The following RAB3C variants were observed in gnomAD, a reference collection of about 807,000 sequenced individuals.
RAB3C encodes the protein RAB3C, member RAS oncogene family, also known as ras-related protein Rab-3C.
A neutral mutation model predicts 26.4 loss-of-function variants in RAB3C; 17 were observed. The ratio of observed to expected loss-of-function variants is 0.64; its 90% CI spans 0.44 to 0.97. The LOEUF is 0.97. Among genes scored for constraint, RAB3C ranks in the 50% least tolerant of loss-of-function variants. The pLI, the probability that RAB3C is intolerant of heterozygous loss-of-function variation, is 0.00. For synonymous variants in RAB3C, 91 were observed against 95.9 expected (o/e 0.95, Z 0.30); for missense variants, 242 against 281.9 (o/e 0.86, Z 1.01).
chr5:58,652,885 A>G (rs974065196), intron 2 of RAB3C, among the ~76,000 whole-genome samples: 6 of 152,206 alleles, frequency 3.9e-5, no homozygotes, highest in Non-Finnish European at 8.8e-5. Context: ...GATAAACTTT[A>G]GAAAAATTCG....
At chr5:58,582,475 C>T, upstream of RAB3C, 2 of 950,804 alleles carry the variant, frequency 2.1e-6, no homozygotes, top group Non-Finnish European at 2.5e-6. Flanking sequence ...TCACGCACTT[C>T]GGTGTGCGGG....
chr5:58,618,067 A>C (rs550083389), intron 2 of RAB3C, among the ~76,000 whole-genome samples, 197 bp downstream of exon 2: 2,292 of 146,850 alleles, frequency 0.016, 50 homozygotes, highest in African/African-American at 0.054. Flanking sequence ...AATTATTATT[A>C]TGCCTTGTTG....
chr5:58,651,490 A>G (rs1051335149), intron 2 of RAB3C, among the ~76,000 whole-genome samples: 8 of 152,162 alleles, frequency 5.3e-5, no homozygotes, highest in Non-Finnish European at 1.2e-4. Flanking sequence ...TATACTATTA[A>G]AATCTATTTT....
At chr5:58,612,653 T>G (rs1187060100) in intron 1 of RAB3C, among the ~76,000 whole-genome samples, 5 of 151,328 alleles carry the variant, frequency 3.3e-5, no homozygotes, top group African/African-American at 1.2e-4. Context: ...ATACTAGTGA[T>G]TTTTGCGCAT....
At chr5:58,747,709 GTCTC>G (rs553806594) in intron 3 of RAB3C, among the ~76,000 whole-genome samples, 1 of 151,016 alleles carries the variant, frequency 6.6e-6, no homozygotes, top group African/African-American at 2.4e-5. Flanking sequence ...TATTCTTTCT[GTCTC>G]TCTCTCTGGA....
intron 3 of RAB3C, among the ~76,000 whole-genome samples, chr5:58,806,609 G>A (rs559663129): frequency 7.1e-4 from 108 of 152,242 alleles, no homozygotes; most frequent in African/African-American, 2.6e-3. Context: ...AAAGGCAGAT[G>A]TCCTGTGCAT....
At chr5:58,828,901 C>CTTTTTTTT in intron 4 of RAB3C, among the ~76,000 whole-genome samples, 1 of 122,446 alleles carries the variant, frequency 8.2e-6, no homozygotes. Flanking sequence ...TTTTACCATG[C>CTTTTTTTT]TTTTTTTTTT....
intron 4 of RAB3C, among the ~76,000 whole-genome samples, chr5:58,838,125 A>T (rs1183578255): frequency 6.6e-6 from 1 of 152,158 alleles, no homozygotes; most frequent in Non-Finnish European, 1.5e-5. Flanking sequence ...TCACGCCTGT[A>T]ATCCCAGTAC....
chr5:58,747,042 C>T (rs947300182), intron 3 of RAB3C, among the ~76,000 whole-genome samples: 17 of 152,172 alleles, frequency 1.1e-4, no homozygotes, highest in Admixed American at 2.0e-4. Flanking sequence ...TCATTCCTCT[C>T]AGGAATTAAA....
chr5:58,593,711 A>C (rs1746185623), intron 1 of RAB3C, among the ~76,000 whole-genome samples: 1 of 152,204 alleles, frequency 6.6e-6, no homozygotes, highest in Admixed American at 6.5e-5. Flanking sequence ...TTCCAACACC[A>C]ACATGTTTCA....
Position 58,745,392 on chromosome 5 carries a change from C to CAAA in RAB3C, c.371+19297_371+19299dup, listed in dbSNP as rs1173604247. On this transcript the variant is annotated intron_variant, in intron 3 of 4. Transcript: ENST00000282878. The stretch of plus-strand genomic sequence containing the variant: ...GCCTGGGCTGAGCGAGACTCTGCTT[C>CAAA]AAAAAAAAAAAAAAAAAAAAAAAAA... Among the ~76,000 whole-genome samples, 63 of 33,078 alleles carry CAAA rather than the reference C, an allele frequency of 1.9e-3. 1 individual carries two copies. Among genetic ancestry groups the CAAA allele is most frequent in the East Asian group, 5.5e-3 (6 of 1,088 alleles). The allele number at this position is 33,078 out of a possible 152,430, so 21.7% of individuals were successfully genotyped here.
chr5:58,737,425 A>G lies in RAB3C; in HGVS notation c.371+11305A>G, dbSNP rs1561305163. 9.0e-5 allele frequency among the ~76,000 whole-genome samples: 10 copies of G among 111,446 alleles called. 1 individual carries two copies. Among genetic ancestry groups the G allele is most frequent in the East Asian group, 3.0e-4 (1 of 3,284 alleles). 73.1% of individuals were successfully genotyped at this position (111,446 alleles called of 152,430 possible). A position where few individuals can be genotyped will look rare whatever the true frequency, so the allele number is the denominator to read the frequency against. Reference sequence around the variant, plus strand: ...TATATATATATATATATATATATATATATATATATATATATATATATATAA... The same window carrying G: ...TATATATATATATATATATATATATGTATATATATATATATATATATATAA... On this transcript the variant is annotated intron_variant, in intron 3 of 4. Coordinates refer to ENST00000282878, the MANE Select transcript of RAB3C (RefSeq NM_138453.4).
intron 3 of RAB3C, among the ~76,000 whole-genome samples, chr5:58,746,953 T>C (rs1233997308): frequency 6.6e-6 from 1 of 152,250 alleles, no homozygotes; most frequent in African/African-American, 2.4e-5. Context: ...CAAAGCTAGC[T>C]AGAAGGCTGT....
intron 3 of RAB3C, among the ~76,000 whole-genome samples, chr5:58,808,084 G>A (rs1561137386): frequency 3.3e-5 from 5 of 151,850 alleles, no homozygotes; most frequent in African/African-American, 9.7e-5. Context: ...AATTAGCCAG[G>A]CGTAGTGGTG....
chr5:58,606,623 G>T (rs758708956), intron 1 of RAB3C, among the ~76,000 whole-genome samples: 3 of 152,160 alleles, frequency 2.0e-5, no homozygotes, highest in Admixed American at 6.5e-5. Context: ...TAGCCTAACT[G>T]GGAGACACCT....
intron 2 of RAB3C, among the ~76,000 whole-genome samples, chr5:58,719,444 A>G (rs1022603509): frequency 6.6e-6 from 1 of 151,996 alleles, no homozygotes; most frequent in Admixed American, 6.6e-5. Context: ...AAGTACTAAC[A>G]GTGTGTGTGG....
chr5:58,797,897 C>T (rs1561133806), intron 3 of RAB3C, among the ~76,000 whole-genome samples: 2 of 152,128 alleles, frequency 1.3e-5, no homozygotes, highest in Non-Finnish European at 2.9e-5. Flanking sequence ...ACTTCTGGTG[C>T]ACAGGATAAA....
At chr5:58,764,582 T>C (rs1741859859) in intron 3 of RAB3C, among the ~76,000 whole-genome samples, 1 of 152,202 alleles carries the variant, frequency 6.6e-6, no homozygotes, top group Non-Finnish European at 1.5e-5. Context: ...ATGTTGAAGA[T>C]TCACTTAGAC....
intron 2 of RAB3C, among the ~76,000 whole-genome samples, chr5:58,623,357 C>T (rs188738063): frequency 6.6e-6 from 1 of 152,262 alleles, no homozygotes; most frequent in East Asian, 1.9e-4. Flanking sequence ...TCCAGGAAAA[C>T]AATCAGGTCC....
Sources: allele counts gnomAD v4.1 joint callset (sites outside exome capture counted in the v4.1 genomes callset), GRCh38; gene constraint gnomAD v4.1.1; transcripts MANE v1.5; gene names NCBI Gene and HGNC (gene_info 2026-07-23, HGNC 2026-07-21).